Variants in DNAL1 observed in about 807,000 individuals in gnomAD.
DNAL1 encodes the protein dynein axonemal light chain 1.
A neutral mutation model predicts 29.4 loss-of-function variants in DNAL1; 17 were observed. That is an observed-to-expected ratio of 0.58 (90% CI 0.40 to 0.87). The LOEUF (loss-of-function observed/expected upper bound fraction) is 0.87. DNAL1 is among the 40% of genes least tolerant of loss of function. The pLI, the probability that DNAL1 is intolerant of heterozygous loss-of-function variation, is 0.00. For missense variants in DNAL1, 188 were observed against 214.1 expected (o/e 0.88, Z 0.76); for synonymous variants, 78 against 76.3 (o/e 1.02, Z -0.12).
At chr14:73,687,934 A>G (rs575688947) in intron 6 of DNAL1, among the ~76,000 whole-genome samples, 2 of 152,300 alleles carry the variant, frequency 1.3e-5, no homozygotes, top group Middle Eastern at 6.8e-3. Flanking sequence ...ACATGTATAC[A>G]TACGTAACAA....
chr14:73,700,955 G>C lies in DNAL1; in HGVS notation c.*5013G>C, dbSNP rs1319389895. 1 of 152,164 alleles carries C rather than the reference G, an allele frequency of 6.6e-6. No homozygotes were observed. The highest frequency in any genetic ancestry group is 1.5e-5 in the Non-Finnish European group (1 of 68,042). The allele number at this position is 152,164 out of a possible 1,614,324, so 9.4% of individuals were successfully genotyped here. The stretch of plus-strand genomic sequence containing the variant: ...AAATGGGTGAACTTCCAAAAATCAA[G>C]GGTCATGTTTTAAAATCATGGAACT... On this transcript the variant is annotated 3_prime_UTR_variant, in exon 8 of 8. Transcript: ENST00000553645.
rs1891016496 is a variant in DNAL1 at position 73,647,905 on chromosome 14, A to C, written c.3+2863A>C. On this transcript the variant is annotated intron_variant, in intron 1 of 7. Transcript: ENST00000553645. ...CTATGTATACTTAATTTGCCTAGGT[A>C]CTTTTCAGGCTGCTTTCCAGAATGG... Among the ~76,000 whole-genome samples, 4 of 152,176 alleles carry C rather than the reference A, an allele frequency of 2.6e-5. 1 individual carries two copies. In the South Asian group the frequency reaches 8.3e-4, roughly 32 times the overall value.
intron 7 of DNAL1, 53 bp downstream of exon 7, chr14:73,689,568 T>C (rs138833457): frequency 5.1e-6 from 8 of 1,564,688 alleles, no homozygotes; most frequent in South Asian, 3.5e-5. Flanking sequence ...AAAATGGAAT[T>C]TGTGGCATGG....
intron 5 of DNAL1, among the ~76,000 whole-genome samples, chr14:73,675,229 C>T (rs1378832195): frequency 6.6e-6 from 1 of 151,756 alleles, no homozygotes. Context: ...CACACACACA[C>T]ACAAATCCTA....
At chr14:73,656,686 A>T (rs961315592) in intron 2 of DNAL1, among the ~76,000 whole-genome samples, 1 of 151,866 alleles carries the variant, frequency 6.6e-6, no homozygotes, top group Non-Finnish European at 1.5e-5. Context: ...TCAGCCTCCC[A>T]TGGTGCTGGG....
At chr14:73,649,459 T>C (rs903207941) in intron 1 of DNAL1, among the ~76,000 whole-genome samples, 2 of 150,906 alleles carry the variant, frequency 1.3e-5, no homozygotes, top group African/African-American at 4.9e-5. Context: ...ATTTTTTGTA[T>C]TTTTAGTAGA....
intron 1 of DNAL1, among the ~76,000 whole-genome samples, chr14:73,645,944 A>G (rs879842002): frequency 2.0e-5 from 3 of 152,248 alleles, no homozygotes; most frequent in Non-Finnish European, 2.9e-5. Context: ...AAGAAGAAGC[A>G]TAATTACTTG....
intron 4 of DNAL1, among the ~76,000 whole-genome samples, chr14:73,664,699 A>T (rs1891434670): frequency 1.3e-5 from 2 of 151,882 alleles, no homozygotes; most frequent in Non-Finnish European, 2.9e-5. Context: ...CGAGACCCCC[A>T]TCTCTACTAA....
chr14:73,646,484 A>ACCTGTAATCCCAGAGG (rs148944212), intron 1 of DNAL1, among the ~76,000 whole-genome samples: 33,491 of 151,868 alleles, frequency 0.22, 4,965 homozygotes, highest in Non-Finnish European at 0.33. Context: ...GGTGGCTCAC[A>ACCTGTAATCCCAGAGG]CCTGTAATCC....
chr14:73,647,364 CAAAAAA>C lies in DNAL1; in HGVS notation c.3+2334_3+2339del, dbSNP rs199974495. Among the ~76,000 whole-genome samples, 88 of 92,754 alleles carry C rather than the reference CAAAAAA, an allele frequency of 9.5e-4. No homozygotes were observed. In the East Asian group the frequency reaches 0.041, roughly 44 times the overall value. The allele number at this position is 92,754 out of a possible 152,430, so 60.9% of individuals were successfully genotyped here. A position where few individuals can be genotyped will look rare whatever the true frequency, so the allele number is the denominator to read the frequency against. On this transcript the variant is annotated intron_variant, in intron 1 of 7. Transcript: ENST00000553645. ...TGGGCGACAGAGCAAGACTCTGTCTCAAAAAAAAAAAAAAAAAGAAAAAGAAAAAGA... is the reference window on the plus strand; with the variant it reads ...TGGGCGACAGAGCAAGACTCTGTCTCAAAAAAAAAAAGAAAAAGAAAAAGA...
intron 7 of DNAL1, among the ~76,000 whole-genome samples, chr14:73,695,226 T>C (rs1892274563): frequency 6.6e-6 from 1 of 151,272 alleles, no homozygotes; most frequent in Admixed American, 6.6e-5. Context: ...CTGGCTAATT[T>C]TTTTTATTTT....
Position 73,687,412 on chromosome 14 carries a change from C to T in DNAL1, c.391+27C>T, listed in dbSNP as rs367911002. ...TAAGCTGAGAGTGGCCCTTTGCTAACCTTCTACCGCCTGTTTATAGAAAAT... is the reference window on the plus strand; with the variant it reads ...TAAGCTGAGAGTGGCCCTTTGCTAATCTTCTACCGCCTGTTTATAGAAAAT... On this transcript the variant is annotated intron_variant, in intron 6 of 7. Transcript: ENST00000553645. 450 of 1,518,466 alleles carry T rather than the reference C, an allele frequency of 3.0e-4. No individual in the cohort carries two copies. The Middle Eastern group carries it at 3.7e-3, about 12-fold the overall frequency. The allele number at this position is 1,518,466 out of a possible 1,614,324, so 94.1% of individuals were successfully genotyped here. A position where few individuals can be genotyped will look rare whatever the true frequency, so the allele number is the denominator to read the frequency against.
In DNAL1 at chr14:73,701,996, A is replaced by G. The variant is rs560170045; in HGVS notation, c.*6054A>G. ...TACATGATTATTAGTTTTAGCTAAT[A>G]TAGAGCAATTATATAAACTTCTAGT... On this transcript the variant is annotated 3_prime_UTR_variant, in exon 8 of 8. Coordinates refer to ENST00000553645, the MANE Select transcript of DNAL1 (RefSeq NM_031427.4). 1 of 152,220 alleles carries G rather than the reference A, an allele frequency of 6.6e-6. No homozygotes were observed. The highest frequency in any genetic ancestry group is 2.4e-5 in the African/African-American group (1 of 41,544). 9.4% of individuals were successfully genotyped at this position (152,220 alleles called of 1,614,324 possible). A position where few individuals can be genotyped will look rare whatever the true frequency, so the allele number is the denominator to read the frequency against.
At chr14:73,673,861 G>A (rs2140044641) in intron 5 of DNAL1, among the ~76,000 whole-genome samples, 2 of 146,682 alleles carry the variant, frequency 1.4e-5, no homozygotes, top group Middle Eastern at 3.4e-3. Flanking sequence ...TTGTGCCATA[G>A]CAATGCAGTC....
rs202161399 is a variant in DNAL1, at chr14:73,658,936, G to C, written c.132G>C (p.Leu44Phe). ...CTATAGAGAAGATGGATGCATCCTT[G>C]TCCATGCTTGCTAATTGCGAGTAAG... is the stretch of plus-strand genomic sequence containing the variant. ...IPPIEKMDAS[L>F]SMLANCEKLS... is the part of the protein sequence containing the mutation. The change falls in exon 3 of 8, where the codon TTG (leucine) becomes TTC (phenylalanine). Residue 44 changes from leucine to phenylalanine, a missense_variant. Coordinates refer to ENST00000553645, the MANE Select transcript of DNAL1 (RefSeq NM_031427.4). 10 of 1,528,772 alleles carry C rather than the reference G, an allele frequency of 6.5e-6. No homozygotes were observed. The highest frequency in any genetic ancestry group is 8.8e-6 in the Non-Finnish European group (10 of 1,136,936). 94.7% of individuals were successfully genotyped at this position (1,528,772 alleles called of 1,614,324 possible).
chr14:73,668,268 A>C (rs952116839), intron 4 of DNAL1, among the ~76,000 whole-genome samples: 8 of 152,200 alleles, frequency 5.3e-5, no homozygotes, highest in Admixed American at 2.0e-4. Context: ...GCTCCTTGAT[A>C]GCAGGAATTT....
chr14:73,689,024 CTGTT>C (rs1892092191), intron 6 of DNAL1, among the ~76,000 whole-genome samples: 1 of 113,130 alleles, frequency 8.8e-6, no homozygotes, highest in Non-Finnish European at 1.9e-5. Flanking sequence ...GTAAAACTTG[CTGTT>C]TTTTTTTTTT....
In DNAL1 at chr14:73,698,880, A is replaced by G. The variant is rs1892365267; in HGVS notation, c.*2938A>G. On this transcript the variant is annotated 3_prime_UTR_variant, in exon 8 of 8. Coordinates refer to ENST00000553645, the MANE Select transcript of DNAL1 (RefSeq NM_031427.4). ...TCCCTAACTCTAAGATTAGGGCTGT[A>G]TTACCTAGACAGGCCTTAAAAGGTT... 6.6e-6 allele frequency: 1 copy of G among 152,202 alleles called. No homozygotes were observed. The highest frequency in any genetic ancestry group is 2.1e-4 in the South Asian group (1 of 4,832). The allele number at this position is 152,202 out of a possible 1,614,324, so 9.4% of individuals were successfully genotyped here. A position where few individuals can be genotyped will look rare whatever the true frequency, so the allele number is the denominator to read the frequency against.
intron 3 of DNAL1, among the ~76,000 whole-genome samples, chr14:73,661,134 A>AGCCT (rs1891333086): frequency 6.6e-6 from 1 of 151,942 alleles, no homozygotes; most frequent in South Asian, 2.1e-4. Context: ...ACTGCACTCC[A>AGCCT]GCCTGGGCCA....
Sources: allele counts gnomAD v4.1 joint callset (sites outside exome capture counted in the v4.1 genomes callset), GRCh38; gene constraint gnomAD v4.1.1; transcripts MANE v1.5; gene names NCBI Gene and HGNC (gene_info 2026-07-23, HGNC 2026-07-21).